The following CCSER1 variants were observed in gnomAD, a reference collection of about 807,000 sequenced individuals.
CCSER1 encodes serine-rich coiled-coil domain-containing protein 1.
Under a neutral mutation model 82.0 loss-of-function variants are expected in CCSER1, and 41 were observed. The observed-to-expected ratio is 0.50, with a 90% CI of 0.39 to 0.65. The LOEUF is 0.65. Ranked by LOEUF, CCSER1 falls within the 30% of genes least tolerant of loss-of-function variation. The pLI is 0.00. For synonymous variants in CCSER1, 414 were observed against 383.9 expected (o/e 1.08, Z -0.92); for missense variants, 1,119 against 1,064.2 (o/e 1.05, Z -0.72).
intron 1 of CCSER1, among the ~76,000 whole-genome samples, chr4:90,129,576 A>G (rs775695871): frequency 1.1e-4 from 16 of 152,228 alleles, no homozygotes; most frequent in Middle Eastern, 3.2e-3. Context: ...TTGAAATTCC[A>G]TGTTGTAACC....
chr4:90,801,485 C>A (rs1204665681), intron 7 of CCSER1, among the ~76,000 whole-genome samples: 1 of 152,008 alleles, frequency 6.6e-6, no homozygotes, highest in African/African-American at 2.4e-5. Context: ...TCTAAGAGTA[C>A]CATTCATTGT....
intron 7 of CCSER1, among the ~76,000 whole-genome samples, chr4:90,748,036 T>C (rs1465321005): frequency 9.6e-6 from 1 of 104,360 alleles, no homozygotes; most frequent in African/African-American, 3.9e-5. Context: ...CCACATTTTC[T>C]TCTTTTTTTT....
chr4:90,240,001 T>A (rs1746544837), intron 1 of CCSER1, among the ~76,000 whole-genome samples: 1 of 152,150 alleles, frequency 6.6e-6, no homozygotes, highest in South Asian at 2.1e-4. Flanking sequence ...ACCTAAGTGG[T>A]ACCCTGAAGC....
chr4:90,149,826 G>A (rs56054231), intron 1 of CCSER1, among the ~76,000 whole-genome samples: 42,911 of 151,830 alleles, frequency 0.28, 7,658 homozygotes, highest in East Asian at 0.65. Flanking sequence ...GAAAAAAAGA[G>A]CAATATATTT....
chr4:91,098,966 C>T (rs531693176), intron 10 of CCSER1, among the ~76,000 whole-genome samples: 2 of 152,158 alleles, frequency 1.3e-5, no homozygotes, highest in East Asian at 3.9e-4. Context: ...CACTATTGTT[C>T]CCTTAAGGTC....
At chr4:90,271,847 TATATATATATATA>T (rs1369783044) in intron 1 of CCSER1, among the ~76,000 whole-genome samples, 4 of 24,186 alleles carry the variant, frequency 1.7e-4, no homozygotes, top group Middle Eastern at 0.012. Flanking sequence ...TATATATATA[TATATATATATATA>T]TATTTTTTTT....
At position 90,839,043 on chromosome 4, in the gene CCSER1, C is replaced by T. The variant is rs774932559; in HGVS notation, c.2094+23198C>T. On this transcript the variant is annotated intron_variant, in intron 8 of 10. Transcript: ENST00000509176. ...ATATCGGGTTTGTCAGACATGGTTG[C>T]GGAGGAAAAGCGGAGCGAGGCGCGC... The T allele has an allele frequency of 2.2e-5, 35 of 1,611,990 alleles. 1 individual carries two copies. In the South Asian group the frequency reaches 3.2e-4, roughly 15 times the overall value.
intron 10 of CCSER1, among the ~76,000 whole-genome samples, chr4:91,271,079 ATTG>A (rs759267271): frequency 8.3e-4 from 126 of 152,080 alleles, no homozygotes; most frequent in Admixed American, 2.0e-3. Context: ...TATATTAAAT[ATTG>A]TTGTTTTAAT....
chr4:90,311,765 A>G (rs984262422), intron 2 of CCSER1, among the ~76,000 whole-genome samples: 5 of 152,226 alleles, frequency 3.3e-5, no homozygotes, highest in African/African-American at 7.2e-5. Flanking sequence ...AAGAACTGCT[A>G]TATATTGGAC....
chr4:91,495,771 A>G lies in CCSER1; in HGVS notation c.2218-102801A>G, dbSNP rs868106729. Reference sequence around the variant, plus strand: ...ATATTAATTTTATCAGTATTGGTCTATTATCTTTCCCTCCTTTTTACACAA... The same window carrying G: ...ATATTAATTTTATCAGTATTGGTCTGTTATCTTTCCCTCCTTTTTACACAA... On this transcript the variant is annotated intron_variant, in intron 10 of 10. Transcript: ENST00000509176. 3.3e-5 allele frequency among the ~76,000 whole-genome samples: 5 copies of G among 151,742 alleles called. No individual in the cohort carries two copies. In the South Asian group the frequency reaches 1.0e-3, roughly 31 times the overall value.
rs1039493784 is a variant in CCSER1 at position 91,604,551 on chromosome 4, T to A, written c.*5494T>A. 1 of 152,030 alleles carries A rather than the reference T, an allele frequency of 6.6e-6. No homozygotes were observed. Among genetic ancestry groups the A allele is most frequent in the Non-Finnish European group, 1.5e-5 (1 of 67,942 alleles). 9.4% of individuals were successfully genotyped at this position (152,030 alleles called of 1,614,324 possible). A position where few individuals can be genotyped will look rare whatever the true frequency, so the allele number is the denominator to read the frequency against. ...TATATTTTTTAAAGTAGAGGGCCAA[T>A]GAAGTGTCTAACAAAAGGAAAGCAT... is the stretch of plus-strand genomic sequence containing the variant. On this transcript the variant is annotated 3_prime_UTR_variant, in exon 11 of 11. Transcript: ENST00000509176.
At chr4:91,076,657 T>C in intron 9 of CCSER1, among the ~76,000 whole-genome samples, 1 of 152,192 alleles carries the variant, frequency 6.6e-6, no homozygotes, top group East Asian at 1.9e-4. Context: ...TACCTTGACT[T>C]CTGTTTCTAT....
intron 6 of CCSER1, among the ~76,000 whole-genome samples, chr4:90,662,741 G>A (rs1392918560): frequency 6.6e-6 from 1 of 152,138 alleles, no homozygotes; most frequent in African/African-American, 2.4e-5. Flanking sequence ...GGGTGTTAAT[G>A]TAAGCTAGTG....
At chr4:91,515,438 T>TA (rs1360169896) in intron 10 of CCSER1, among the ~76,000 whole-genome samples, 2 of 152,162 alleles carry the variant, frequency 1.3e-5, no homozygotes, top group Non-Finnish European at 2.9e-5. Context: ...AGCTCCCACT[T>TA]ATAAGGACAA....
At chr4:91,055,778 C>G (rs1194433207) in intron 9 of CCSER1, among the ~76,000 whole-genome samples, 2 of 144,344 alleles carry the variant, frequency 1.4e-5, no homozygotes, top group African/African-American at 2.6e-5. Flanking sequence ...CTCTATACCT[C>G]TCTCCCTCCC....
chr4:91,258,057 T>G (rs1314859294), intron 10 of CCSER1, among the ~76,000 whole-genome samples: 1 of 152,122 alleles, frequency 6.6e-6, no homozygotes, highest in African/African-American at 2.4e-5. Flanking sequence ...AAGTGAGACT[T>G]CATACCCAAT....
chr4:90,283,344 A>G (rs1266905836), intron 1 of CCSER1, among the ~76,000 whole-genome samples: 1 of 151,864 alleles, frequency 6.6e-6, no homozygotes, highest in African/African-American at 2.4e-5. Context: ...TATTTTTATT[A>G]TACATGTTTT....
rs1729060236 is a variant in CCSER1, at chr4:90,653,040, A to G, written c.1932+24808A>G. ...GGGGCCAAGCCTATGGCTCCCACAAATGCATTTCAAGTCGTTTAACTGCCA... is the reference window on the plus strand; with the variant it reads ...GGGGCCAAGCCTATGGCTCCCACAAGTGCATTTCAAGTCGTTTAACTGCCA... On this transcript the variant is annotated intron_variant, in intron 6 of 10. Transcript: ENST00000509176. Among the ~76,000 whole-genome samples the G allele has an allele frequency of 2.0e-5, 3 of 149,554 alleles. No homozygotes were observed. In the South Asian group the frequency reaches 6.5e-4, roughly 32 times the overall value.
intron 6 of CCSER1, among the ~76,000 whole-genome samples, chr4:90,688,739 T>C (rs1000452445): frequency 1.3e-5 from 2 of 152,150 alleles, no homozygotes; most frequent in African/African-American, 4.8e-5. Context: ...CACACTTAAC[T>C]GATACATCTG....
Sources: allele counts gnomAD v4.1 joint callset (sites outside exome capture counted in the v4.1 genomes callset), GRCh38; gene constraint gnomAD v4.1.1; transcripts MANE v1.5; gene names NCBI Gene and HGNC (gene_info 2026-07-23, HGNC 2026-07-21).